Variants in SMCO4 observed in about 807,000 individuals in gnomAD.
The protein encoded by SMCO4 is single-pass membrane protein with coiled-coil domains 4, also known as single-pass membrane and coiled-coil domain-containing protein 4.
A neutral mutation model predicts 3.6 loss-of-function variants in SMCO4; 4 were observed. The observed-to-expected ratio is 1.11, with a 90% CI of 0.54 to 2.53. SMCO4 has a LOEUF of 2.53. SMCO4 is among the 30% of genes most tolerant of loss of function. The pLI is 0.02. For synonymous variants in SMCO4, 36 were observed against 35.3 expected (o/e 1.02, Z -0.07); for missense variants, 70 against 80.8 (o/e 0.87, Z 0.51).
In SMCO4 at chr11:93,522,260, A is replaced by C. The variant is rs147227880; in HGVS notation, c.-154+21016T>G. ...AAAAAGTGGACTCCTGCAGGCCCAC[A>C]TTCAAATGCTGACTCTCTGGCATGT... On this transcript the variant is annotated intron_variant, in intron 1 of 2. Transcript: ENST00000298966. Among the ~76,000 whole-genome samples, 2 of 152,354 alleles carry C rather than the reference A, an allele frequency of 1.3e-5. 1 individual carries two copies. The highest frequency in any genetic ancestry group is 3.9e-4 in the East Asian group (2 of 5,184).
intron 2 of SMCO4, among the ~76,000 whole-genome samples, chr11:93,484,501 C>T (rs1207256961): frequency 1.3e-5 from 2 of 152,134 alleles, no homozygotes; most frequent in Non-Finnish European, 2.9e-5. Flanking sequence ...CCCGACTCTC[C>T]TCCTCTGTAA....
the SMCO4 span, among the ~76,000 whole-genome samples, chr11:93,553,678 A>G: frequency 6.6e-6 from 1 of 152,246 alleles, no homozygotes; most frequent in African/African-American, 2.4e-5. Context: ...CTTGATCACC[A>G]GATACTTTAA....
the SMCO4 span, among the ~76,000 whole-genome samples, chr11:93,553,404 A>C: frequency 2.6e-5 from 4 of 152,338 alleles, no homozygotes; most frequent in East Asian, 7.7e-4. Context: ...TCTGTGTATA[A>C]ACTCAGATGG....
chr11:93,504,923 A>C (rs1686029800), intron 1 of SMCO4, among the ~76,000 whole-genome samples: 1 of 152,198 alleles, frequency 6.6e-6, no homozygotes, highest in African/African-American at 2.4e-5. Context: ...ACAGTGAGTT[A>C]GGGCAGTGGG....
intron 1 of SMCO4, among the ~76,000 whole-genome samples, chr11:93,537,627 G>GGTA (rs1474751981): frequency 6.6e-6 from 1 of 151,896 alleles, no homozygotes; most frequent in Non-Finnish European, 1.5e-5. Context: ...ATGTTCAAGA[G>GGTA]GTAGGCATGA....
At chr11:93,484,682 G>A (rs1476593518) in intron 2 of SMCO4, among the ~76,000 whole-genome samples, 2 of 141,652 alleles carry the variant, frequency 1.4e-5, no homozygotes, top group Non-Finnish European at 3.1e-5. Context: ...GAAACACCAG[G>A]GAATTCTTTT....
chr11:93,510,247 G>C (rs1246149674), intron 1 of SMCO4, among the ~76,000 whole-genome samples: 1 of 152,226 alleles, frequency 6.6e-6, no homozygotes, highest in African/African-American at 2.4e-5. Flanking sequence ...GGGACCTACA[G>C]TTGTCACTGC....
chr11:93,540,336 C>T (rs1949261790), intron 1 of SMCO4, among the ~76,000 whole-genome samples: 1 of 152,122 alleles, frequency 6.6e-6, no homozygotes, highest in Non-Finnish European at 1.5e-5. Flanking sequence ...CAGTATTATC[C>T]TGATTTTACA....
intron 2 of SMCO4, among the ~76,000 whole-genome samples, chr11:93,498,976 C>T (rs748827667): frequency 6.6e-6 from 1 of 152,104 alleles, no homozygotes. Flanking sequence ...GACCTCTACC[C>T]GACTGGCCAA....
intron 1 of SMCO4, among the ~76,000 whole-genome samples, chr11:93,509,342 T>C (rs1427369138): frequency 6.7e-6 from 1 of 149,232 alleles, no homozygotes; most frequent in Non-Finnish European, 1.5e-5. Context: ...CAAACAGCCA[T>C]CATTTTCTAA....
At chr11:93,512,802 A>C (rs1310942259) in intron 1 of SMCO4, among the ~76,000 whole-genome samples, 1 of 152,208 alleles carries the variant, frequency 6.6e-6, no homozygotes, top group Non-Finnish European at 1.5e-5. Context: ...CATTGACCGT[A>C]TATCTTGGTG....
At chr11:93,497,244 A>C (rs1948785015) in intron 2 of SMCO4, among the ~76,000 whole-genome samples, 1 of 152,208 alleles carries the variant, frequency 6.6e-6, no homozygotes, top group South Asian at 2.1e-4. Context: ...CATGGCAATA[A>C]AGCACTGTGC....
At chr11:93,532,349 A>T (rs1343895631) in intron 1 of SMCO4, among the ~76,000 whole-genome samples, 1 of 152,258 alleles carries the variant, frequency 6.6e-6, no homozygotes, top group Non-Finnish European at 1.5e-5. Context: ...TGGTATTTGA[A>T]TCAGGCAACT....
At chr11:93,527,917 A>G (rs1038917857) in intron 1 of SMCO4, among the ~76,000 whole-genome samples, 1 of 152,244 alleles carries the variant, frequency 6.6e-6, no homozygotes, top group Admixed American at 6.5e-5. Flanking sequence ...CTGGGCCTAT[A>G]GGTACAAGTC....
chr11:93,542,674 G>A (rs1262134472), intron 1 of SMCO4, among the ~76,000 whole-genome samples: 1 of 152,154 alleles, frequency 6.6e-6, no homozygotes, highest in Non-Finnish European at 1.5e-5. Context: ...GCCTGCCCCG[G>A]GTCTCAGGGT....
At chr11:93,524,480 T>C (rs1258722400) in intron 1 of SMCO4, among the ~76,000 whole-genome samples, 1 of 152,136 alleles carries the variant, frequency 6.6e-6, no homozygotes, top group Non-Finnish European at 1.5e-5. Flanking sequence ...GTGACTTCCC[T>C]TAAGAATCCC....
intron 1 of SMCO4, among the ~76,000 whole-genome samples, chr11:93,532,372 C>T (rs2134632757): frequency 6.6e-6 from 1 of 152,336 alleles, no homozygotes; most frequent in South Asian, 2.1e-4. Context: ...GTAAGAAAGA[C>T]TTGCACCAGC....
intron 1 of SMCO4, among the ~76,000 whole-genome samples, chr11:93,541,563 C>T (rs905394645): frequency 6.6e-6 from 1 of 152,160 alleles, no homozygotes; most frequent in Non-Finnish European, 1.5e-5. Flanking sequence ...CAAGCTTGAG[C>T]GTCCACTCCA....
chr11:93,499,965 T>C (rs1425098454), intron 1 of SMCO4, among the ~76,000 whole-genome samples: 1 of 152,110 alleles, frequency 6.6e-6, no homozygotes, highest in Non-Finnish European at 1.5e-5. Context: ...GAAGCCCAGA[T>C]ACTGGGGGAA....
Sources: gnomAD v4.1 joint callset for allele counts (sites outside exome capture counted in the v4.1 genomes callset) on GRCh38, gnomAD v4.1.1 for gene constraint, MANE v1.5 for transcripts, NCBI Gene and HGNC (gene_info 2026-07-23, HGNC 2026-07-21) for gene names.